SPOCK3: variants seen among roughly 807,000 people sequenced by gnomAD.
SPOCK3 encodes the protein testican-3.
SPOCK3 carries 30 observed loss-of-function variants against 56.6 expected under a neutral mutation model. That is an observed-to-expected ratio of 0.53 (90% confidence interval 0.40 to 0.72). SPOCK3 has a LOEUF of 0.72. SPOCK3 is among the 30% of genes least tolerant of loss of function. SPOCK3 has a pLI of 0.00. For synonymous variants in SPOCK3, 196 were observed against 183.3 expected, an observed-to-expected ratio of 1.07 and a Z score of -0.56; for missense variants, 527 against 530.0, an observed-to-expected ratio of 0.99 and a Z score of 0.06.
chr4:166,738,170 C>T lies in SPOCK3; in HGVS notation c.995-566G>A, dbSNP rs566552787. 1.1e-4 allele frequency among the ~76,000 whole-genome samples: 17 copies of T among 152,168 alleles called. No homozygotes were observed. The East Asian group carries it at 3.1e-3, about 28-fold the overall frequency. ...TTTAAGATTTGACATAAATGTGACCCACAATTTAAAGTCTTCCTCAAAATG... is the reference window on the plus strand; with the variant it reads ...TTTAAGATTTGACATAAATGTGACCTACAATTTAAAGTCTTCCTCAAAATG... On this transcript the variant is annotated intron_variant, in intron 9 of 10. Coordinates refer to ENST00000357545, the MANE Select transcript of SPOCK3 (RefSeq NM_001040159.2).
intron 4 of SPOCK3, among the ~76,000 whole-genome samples, chr4:166,941,181 T>C (rs913940470): frequency 6.6e-6 from 1 of 150,618 alleles, no homozygotes; most frequent in Non-Finnish European, 1.5e-5. Context: ...AATTTATGCC[T>C]CCCAAGAATG....
At chr4:166,763,646 G>A (rs1057154235) in intron 7 of SPOCK3, among the ~76,000 whole-genome samples, 1 of 152,090 alleles carries the variant, frequency 6.6e-6, no homozygotes, top group South Asian at 2.1e-4. Flanking sequence ...AGCACAAAAT[G>A]TGTGTGCTGG....
At chr4:167,073,655 C>T (rs1357850830) in intron 2 of SPOCK3, among the ~76,000 whole-genome samples, 1 of 151,834 alleles carries the variant, frequency 6.6e-6, no homozygotes, top group East Asian at 1.9e-4. Flanking sequence ...TAGACACAAA[C>T]TGAAAGCTGT....
At chr4:166,780,328 G>A (rs1579205600) in intron 7 of SPOCK3, among the ~76,000 whole-genome samples, 1 of 151,990 alleles carries the variant, frequency 6.6e-6, no homozygotes, top group Non-Finnish European at 1.5e-5. Context: ...TAAAATGACA[G>A]TAAATAAACT....
intron 2 of SPOCK3, among the ~76,000 whole-genome samples, chr4:167,159,424 A>G (rs923392545): frequency 2.0e-5 from 3 of 151,892 alleles, no homozygotes; most frequent in Non-Finnish European, 4.4e-5. Context: ...TGCCCTCCCT[A>G]TAACCGGAGG....
intron 4 of SPOCK3, among the ~76,000 whole-genome samples, chr4:166,922,785 A>C (rs1220938932): frequency 6.6e-6 from 1 of 152,202 alleles, no homozygotes; most frequent in Non-Finnish European, 1.5e-5. Context: ...TTTTAATCAC[A>C]GTATGATATT....
chr4:166,845,540 T>C (rs973501869), intron 6 of SPOCK3, among the ~76,000 whole-genome samples: 1 of 152,242 alleles, frequency 6.6e-6, no homozygotes, highest in Non-Finnish European at 1.5e-5. Context: ...TGAAGGAATT[T>C]TGAAGTAGTT....
chr4:166,958,869 T>C (rs1446132550), intron 4 of SPOCK3, among the ~76,000 whole-genome samples: 2 of 152,180 alleles, frequency 1.3e-5, no homozygotes, highest in Non-Finnish European at 2.9e-5. Context: ...AAGTGCTCCA[T>C]AGGCACAGGA....
At chr4:166,746,855 C>T (rs1395274879) in intron 8 of SPOCK3, among the ~76,000 whole-genome samples, 2 of 152,090 alleles carry the variant, frequency 1.3e-5, no homozygotes, top group African/African-American at 2.4e-5. Flanking sequence ...ACTGTAAACA[C>T]CTTTACACAA....
At chr4:166,928,766 C>T (rs547718866) in intron 4 of SPOCK3, among the ~76,000 whole-genome samples, 100 of 152,130 alleles carry the variant, frequency 6.6e-4, no homozygotes, top group African/African-American at 2.2e-3. Flanking sequence ...GTCAGCAGTT[C>T]GAGACAGCCT....
intron 2 of SPOCK3, among the ~76,000 whole-genome samples, chr4:167,221,519 G>T (rs1735918284): frequency 6.6e-6 from 1 of 152,118 alleles, no homozygotes; most frequent in Non-Finnish European, 1.5e-5. Context: ...TGAGCAGGTT[G>T]ATTAAGCTTG....
chr4:167,218,051 T>C (rs959042009), intron 2 of SPOCK3, among the ~76,000 whole-genome samples: 2 of 152,084 alleles, frequency 1.3e-5, no homozygotes, highest in Non-Finnish European at 2.9e-5. Flanking sequence ...AGAACAAACT[T>C]TTTTTAATTA....
intron 6 of SPOCK3, among the ~76,000 whole-genome samples, chr4:166,842,145 T>C (rs1747467953): frequency 6.6e-6 from 1 of 152,194 alleles, no homozygotes; most frequent in Non-Finnish European, 1.5e-5. Context: ...TTATAGCTCA[T>C]AGAGGCAGTG....
chr4:167,162,155 G>A (rs1293802733), intron 2 of SPOCK3, among the ~76,000 whole-genome samples: 1 of 151,958 alleles, frequency 6.6e-6, no homozygotes, highest in Non-Finnish European at 1.5e-5. Context: ...ACTTCTCCCT[G>A]ACTAACCACC....
chr4:167,097,191 G>C (rs966527574), intron 2 of SPOCK3, among the ~76,000 whole-genome samples: 1 of 151,554 alleles, frequency 6.6e-6, no homozygotes, highest in African/African-American at 2.4e-5. Context: ...GTTGGGCTTT[G>C]GGTTAATATC....
At chr4:167,096,447 T>C (rs185860728) in intron 2 of SPOCK3, among the ~76,000 whole-genome samples, 78 of 151,902 alleles carry the variant, frequency 5.1e-4, no homozygotes, top group Non-Finnish European at 1.3e-4. Flanking sequence ...TTTGGGTAAG[T>C]TGTAACTTCA....
intron 2 of SPOCK3, among the ~76,000 whole-genome samples, chr4:167,199,442 T>C (rs1024640344): frequency 3.3e-5 from 5 of 152,026 alleles, no homozygotes; most frequent in African/African-American, 1.2e-4. Context: ...CAAATACTAG[T>C]CAATGTGCAA....
chr4:167,230,540 T>A (rs535132908), intron 2 of SPOCK3, among the ~76,000 whole-genome samples: 36 of 148,716 alleles, frequency 2.4e-4, no homozygotes, highest in Middle Eastern at 3.5e-3. Flanking sequence ...AACCAGTATA[T>A]CTACTGAATA....
intron 5 of SPOCK3, among the ~76,000 whole-genome samples, chr4:166,890,719 T>A (rs1281092442): frequency 6.6e-6 from 1 of 152,010 alleles, no homozygotes. Flanking sequence ...TTGCTAAGAA[T>A]TTATATTCTG....
Sources: gnomAD v4.1 joint callset for allele counts (sites outside exome capture counted in the v4.1 genomes callset) on GRCh38, gnomAD v4.1.1 for gene constraint, MANE v1.5 for transcripts, NCBI Gene and HGNC (gene_info 2026-07-23, HGNC 2026-07-21) for gene names.